DSP: variants seen among roughly 807,000 people sequenced by gnomAD.
DSP encodes the protein 250/210 kDa paraneoplastic pemphigus antigen.
Under a neutral mutation model 290.6 loss-of-function variants are expected in DSP, and 114 were observed. That is an observed-to-expected ratio of 0.39 (90% confidence interval 0.34 to 0.46). The LOEUF (loss-of-function observed/expected upper bound fraction) is 0.46, where lower values mean the gene tolerates loss of function less well. Among genes scored for constraint, DSP ranks in the 20% least tolerant of loss-of-function variants. The pLI is 0.99. For missense variants in DSP, 3,230 were observed against 3,495.8 expected, an observed-to-expected ratio of 0.92 and a Z score of 1.92; for synonymous variants, 1,311 against 1,316.4, an observed-to-expected ratio of 1.00 and a Z score of 0.09.
rs781226937 is a variant in DSP at position 7,558,126 on chromosome 6, A to G, written c.284A>G (p.Tyr95Cys). Residue 95 changes from tyrosine to cysteine, a missense_variant, in exon 3 of 24, where the codon TAT (tyrosine) becomes TGT (cysteine). By Grantham distance (194) the Tyr-to-Cys change is radical. Around this residue, in one of 5 missense-constraint regions of DSP, gnomAD observed 646 missense variants for 684.3 expected, o/e 0.94. Coordinates refer to ENST00000379802, the MANE Select transcript of DSP (RefSeq NM_004415.4). ...AGTGTTTTCTTTCAGGAATTGAAGT[A>G]TGGAGATGGAATACAACTGACTCGG... ...AELIVQPELK[Y>C]GDGIQLTRSR... 8 of 1,614,102 alleles carry G rather than the reference A, an allele frequency of 5.0e-6. No individual in the cohort carries two copies. In the African/African-American group the frequency reaches 9.3e-5, roughly 19 times the overall value.
At chr6:7,564,903 G>C (rs924677862) in intron 6 of DSP, among the ~76,000 whole-genome samples, 1 of 152,178 alleles carries the variant, frequency 6.6e-6, no homozygotes. Context: ...CCAGCACTTT[G>C]GGGGGCCGAG....
intron 1 of DSP, among the ~76,000 whole-genome samples, chr6:7,550,899 G>A (rs1471523054): frequency 2.6e-5 from 4 of 151,018 alleles, no homozygotes; most frequent in Non-Finnish European, 5.9e-5. Flanking sequence ...TTCCTAACAT[G>A]ATTTGAAAAT....
intron 4 of DSP, among the ~76,000 whole-genome samples, chr6:7,562,028 A>G (rs1391475045): frequency 2.0e-5 from 3 of 152,208 alleles, no homozygotes; most frequent in Non-Finnish European, 4.4e-5. Context: ...TAAGTCCACA[A>G]TCCTAATATT....
intron 4 of DSP, among the ~76,000 whole-genome samples, chr6:7,562,372 G>GTTTTTT (rs1561683391): frequency 7.5e-6 from 1 of 133,488 alleles, no homozygotes; most frequent in Admixed American, 7.2e-5. Flanking sequence ...AGGTAGATTT[G>GTTTTTT]GTTTTTTTTT....
intron 4 of DSP, 179 bp from the exon 5 acceptor site, chr6:7,562,473 A>G: frequency 5.1e-6 from 5 of 978,128 alleles, no homozygotes; most frequent in Non-Finnish European, 7.8e-6. Flanking sequence ...AAGTTGAGGG[A>G]AGTATTTGGC....
At chr6:7,572,918 G>T (rs542058982) in intron 15 of DSP, among the ~76,000 whole-genome samples, 26 of 152,338 alleles carry the variant, frequency 1.7e-4, no homozygotes, top group African/African-American at 6.0e-4. Flanking sequence ...AATGGTAAGT[G>T]TGTATCTAAA....
At chr6:7,576,239 T>A in intron 18 of DSP, 55 bp from the exon 19 acceptor site, 1 of 1,583,818 alleles carries the variant, frequency 6.3e-7, no homozygotes, top group Non-Finnish European at 8.7e-7. Context: ...GATTCTATGT[T>A]ACATATTTTA....
rs1759263970 is a variant in DSP at position 7,577,056 on chromosome 6, A to G, written c.2877+14A>G. On this transcript the variant is annotated intron_variant, in intron 20 of 23. Transcript: ENST00000379802. ...AATTCAATTAAGGTATGTTGGTTTC[A>G]TAAAGAATGTTGGTATTTCACCAAG... The G allele has an allele frequency of 6.3e-7, 1 of 1,597,956 alleles. No individual in the cohort carries two copies. Among genetic ancestry groups the G allele is most frequent in the Admixed American group, 1.7e-5 (1 of 58,844 alleles).
rs771641035 is a variant in DSP, at chr6:7,583,670, C to A, written c.6408C>A (p.Asp2136Glu). 6.2e-7 allele frequency: 1 copy of A among 1,614,066 alleles called. No homozygotes were observed. The stretch of plus-strand genomic sequence containing the variant: ...AGATTGCTTCAGGGGGTGTAGTAGA[C>A]CCTGTGAACAGTGTCTTTTTGCCAA... ...EAQIASGGVVDPVNSVFLPKD... is the reference protein window; with the variant it reads ...EAQIASGGVVEPVNSVFLPKD... Residue 2136 changes from aspartate to glutamate, a missense_variant, in exon 24 of 24, where the codon GAC (aspartate) becomes GAA (glutamate). Around this residue, in one of 5 missense-constraint regions of DSP, gnomAD observed 1,714 missense variants for 1,844.5 expected, o/e 0.93. Coordinates refer to ENST00000379802, the MANE Select transcript of DSP (RefSeq NM_004415.4). This position sits in a 1 kb window ranked among gnomAD's most constrained non-coding sequence, Gnocchi z 4.0.
Position 7,581,451 on chromosome 6 carries a change from G to A in DSP, c.5261G>A (p.Ser1754Asn), listed in dbSNP as rs763526083. The change falls in exon 23 of 24, where the codon AGC (serine) becomes AAC (asparagine). Residue 1754 changes from serine (S) to asparagine (N), a missense_variant. Around this residue, in one of 5 missense-constraint regions of DSP, gnomAD observed 1,714 missense variants for 1,844.5 expected, o/e 0.93. Transcript: ENST00000379802. ...DKNATILELR[S>N]QLQISNNRTL... is the part of the protein sequence containing the mutation. The stretch of plus-strand genomic sequence containing the variant: ...AATGCAACCATCTTGGAACTAAGGA[G>A]CCAGCTGCAGATCAGCAACAACCGG... 1.2e-6 allele frequency: 2 copies of A among 1,612,558 alleles called. No homozygotes were observed. The highest frequency in any genetic ancestry group is 2.7e-5 in the African/African-American group (2 of 74,684).
rs1490538509 is a variant in DSP at position 7,574,128 on chromosome 6, C to A, written c.2173C>A (p.Gln725Lys). Residue 725 changes from glutamine to lysine, a missense_variant, in exon 16 of 24, where the codon CAG (glutamine) becomes AAG (lysine). This residue lies in a region of DSP where 1,714 missense variants were observed against 1,844.5 expected (regional missense o/e 0.93). Coordinates refer to ENST00000379802, the MANE Select transcript of DSP (RefSeq NM_004415.4). The part of the protein sequence containing the change: ...DSQAIAEVLN[Q>K]LKDMLANFRG... ...ACAAGCAATTGCTGAGGTTCTCAAC[C>A]AGCTTAAAGATATGCTTGCCAACTT... 1 of 1,614,052 alleles carries A rather than the reference C, an allele frequency of 6.2e-7. No individual in the cohort carries two copies. The highest frequency in any genetic ancestry group is 1.3e-5 in the African/African-American group (1 of 75,040).
intron 1 of DSP, among the ~76,000 whole-genome samples, chr6:7,549,212 C>T (rs1015970829): frequency 2.0e-5 from 3 of 151,926 alleles, no homozygotes; most frequent in Admixed American, 6.6e-5. Flanking sequence ...GGCAATGGCG[C>T]GATCTCGGCT....
At chr6:7,576,800 T>C (rs1224676361) in intron 19 of DSP, among the ~76,000 whole-genome samples, 159 bp from the exon 20 acceptor site, 4 of 152,152 alleles carry the variant, frequency 2.6e-5, no homozygotes, top group African/African-American at 9.7e-5. Context: ...ATGGAAAAAA[T>C]GCTCATCTCC....
chr6:7,565,686 G>A lies in DSP; in HGVS notation c.939+166G>A, dbSNP rs986158593. 1.1e-6 allele frequency: 1 copy of A among 883,546 alleles called. No homozygotes were observed. Among genetic ancestry groups the A allele is most frequent in the Non-Finnish European group, 1.8e-6 (1 of 569,182 alleles). The allele number at this position is 883,546 out of a possible 1,614,324, so 54.7% of individuals were successfully genotyped here. A position where few individuals can be genotyped will look rare whatever the true frequency, so the allele number is the denominator to read the frequency against. The stretch of plus-strand genomic sequence containing the variant: ...CCTTCCTTCCTGAAAACTTCTCCGT[G>A]TGGAGGCCATTATCCTTAGCAAACT... On this transcript the variant is annotated intron_variant, in intron 7 of 23. Transcript: ENST00000379802. The surrounding 1 kb of genome is among the most constrained non-coding windows in gnomAD (Gnocchi z 4.2).
intron 8 of DSP, among the ~76,000 whole-genome samples, chr6:7,567,015 C>G (rs1160679075): frequency 6.6e-6 from 1 of 152,194 alleles, no homozygotes; most frequent in Non-Finnish European, 1.5e-5. Flanking sequence ...TTCAGCAATC[C>G]TCCAGGAACA....
intron 1 of DSP, among the ~76,000 whole-genome samples, chr6:7,553,626 G>A (rs1204021310): frequency 6.6e-6 from 1 of 152,178 alleles, no homozygotes; most frequent in East Asian, 1.9e-4. Context: ...TTCTAAGTCA[G>A]TTGGAATTCT....
rs1464253797 is a variant in DSP at position 7,584,903 on chromosome 6, C to G, written c.7641C>G (p.Tyr2547Ter). Residue 2547 changes from tyrosine (Y) to a stop codon, truncating the protein, a stop_gained, in exon 24 of 24, where the codon TAC (tyrosine) becomes TAG (stop). Coordinates refer to ENST00000379802, the MANE Select transcript of DSP (RefSeq NM_004415.4). LOFTEE classifies it high-confidence loss of function. This position sits in a 1 kb window ranked among gnomAD's most constrained non-coding sequence, Gnocchi z 6.4. ...GLVDRKFFDQYRSGSLSLTQF... is the reference protein window; with the variant it reads ...GLVDRKFFDQ ...TTGACAGGAAGTTCTTTGATCAGTA[C>G]CGATCCGGCAGCCTCAGCCTCACTC... is the stretch of plus-strand genomic sequence containing the variant. 12 of 1,614,062 alleles carry G rather than the reference C, an allele frequency of 7.4e-6. No individual in the cohort carries two copies. Among genetic ancestry groups the G allele is most frequent in the Non-Finnish European group, 1.0e-5 (12 of 1,180,040 alleles).
rs543240936 is a variant in DSP at position 7,585,473 on chromosome 6, T to G, written c.8211T>G (p.Val2737=). The change falls in exon 24 of 24, where the codon GTT becomes GTG. Residue 2737 remains valine, a synonymous_variant. Coordinates refer to ENST00000379802, the MANE Select transcript of DSP (RefSeq NM_004415.4). ...LEFQYLTGGL[V]DPEVHGRIST... is the part of the protein sequence containing the mutation. ...TCCAGTACCTCACGGGAGGTCTTGT[T>G]GACCCGGAAGTGCATGGGAGGATAA... is the stretch of plus-strand genomic sequence containing the variant. 2 of 1,614,172 alleles carry G rather than the reference T, an allele frequency of 1.2e-6. No homozygotes were observed. Among genetic ancestry groups the G allele is most frequent in the Non-Finnish European group, 1.7e-6 (2 of 1,180,034 alleles).
chr6:7,562,666 G>T lies in DSP; in HGVS notation c.612G>T (p.Met204Ile), dbSNP rs1021314728. The T allele has an allele frequency of 1.2e-6, 2 of 1,614,000 alleles. No homozygotes were observed. The highest frequency in any genetic ancestry group is 2.2e-5 in the East Asian group (1 of 44,876). ...TTGTGTCGCAGGCGGAGATGGACAT[G>T]GTGGCCTGGGGTGTGGACCTGGCCT... The part of the protein sequence containing the change: ...WMRQQRAEMD[M>I]VAWGVDLASV... Residue 204 changes from methionine to isoleucine, a missense_variant, in exon 5 of 24, where the codon ATG becomes ATT. Coordinates refer to ENST00000379802, the MANE Select transcript of DSP (RefSeq NM_004415.4).
Sources: allele counts gnomAD v4.1 joint callset (sites outside exome capture counted in the v4.1 genomes callset), GRCh38; gene constraint gnomAD v4.1.1; regional missense constraint gnomAD v4.1.1; non-coding constraint Gnocchi (gnomAD v3.1); transcripts MANE v1.5; gene names NCBI Gene and HGNC (gene_info 2026-07-23, HGNC 2026-07-21).